Variants in ITSN2 observed in about 807,000 individuals in gnomAD.
The protein encoded by ITSN2 is intersectin-2.
Under a neutral mutation model 243.7 loss-of-function variants are expected in ITSN2, and 156 were observed. The ratio of observed to expected loss-of-function variants is 0.64; its 90% CI spans 0.56 to 0.73. The LOEUF (loss-of-function observed/expected upper bound fraction) is 0.73, where lower values mean the gene tolerates loss of function less well. Ranked by LOEUF, ITSN2 falls within the 30% of genes least tolerant of loss-of-function variation. The pLI is 0.00. For synonymous variants in ITSN2, 703 were observed against 699.9 expected, an observed-to-expected ratio of 1.00 and a Z score of -0.07; for missense variants, 1,801 against 1,996.1, an observed-to-expected ratio of 0.90 and a Z score of 1.86.
At chr2:24,331,308 G>A (rs1685756859) in intron 1 of ITSN2, among the ~76,000 whole-genome samples, 1 of 151,406 alleles carries the variant, frequency 6.6e-6, no homozygotes, top group Non-Finnish European at 1.5e-5. Flanking sequence ...CCTGACCTCA[G>A]GTGATCCACC....
intron 22 of ITSN2, among the ~76,000 whole-genome samples, chr2:24,258,413 G>T (rs1425755451): frequency 6.6e-6 from 1 of 152,140 alleles, no homozygotes; most frequent in Non-Finnish European, 1.5e-5. Flanking sequence ...AAAAAGGAAT[G>T]TTACTGTAAA....
chr2:24,212,320 TCCACAACTGGAGA>T (rs1669564249), intron 33 of ITSN2, among the ~76,000 whole-genome samples: 1 of 152,114 alleles, frequency 6.6e-6, no homozygotes, highest in Non-Finnish European at 1.5e-5. Context: ...CAAGATGGGC[TCCACAACTGGAGA>T]CCTAGAGGGG....
At chr2:24,312,520 TATATA>T in intron 4 of ITSN2, 145 bp from the exon 5 acceptor site, 1 of 484,030 alleles carries the variant, frequency 2.1e-6, no homozygotes, top group Non-Finnish European at 3.6e-6. Context: ...ACATGTAAAA[TATATA>T]ATAACAAAAA....
chr2:24,318,626 C>A (rs925370417), intron 2 of ITSN2, among the ~76,000 whole-genome samples: 3 of 152,156 alleles, frequency 2.0e-5, no homozygotes, highest in African/African-American at 7.2e-5. Flanking sequence ...ATGATCAGGG[C>A]TAAAGGGTGG....
rs563081546 is a variant in ITSN2, at chr2:24,251,616, TAC to T, written c.3120+727_3120+728del. On this transcript the variant is annotated intron_variant, in intron 25 of 39. Coordinates refer to ENST00000355123, the MANE Select transcript of ITSN2 (RefSeq NM_006277.3). ...GTGTATATATATGTGTATATATATA[TAC>T]ACACACACATATACATATACACATA... 4.0e-4 allele frequency among the ~76,000 whole-genome samples: 58 copies of T among 145,046 alleles called. 6 individuals carry two copies. The highest frequency in any genetic ancestry group is 6.5e-4 in the Non-Finnish European group (43 of 66,640).
rs78609930 is a variant in ITSN2, at chr2:24,206,214, C to T, written c.4679-917G>A. On this transcript the variant is annotated intron_variant, in intron 37 of 39. Transcript: ENST00000355123. The stretch of plus-strand genomic sequence containing the variant: ...CTTTTAAAGTACCATTAAAATAACA[C>T]TAAATTAGCAAAAGCTGTTTTAAAC... 3.1e-3 allele frequency: 1,243 copies of T among 398,000 alleles called. 9 individuals are homozygous for T. Among genetic ancestry groups the T allele is most frequent in the African/African-American group, 0.026 (1,178 of 45,800 alleles). 24.7% of individuals were successfully genotyped at this position (398,000 alleles called of 1,614,324 possible).
intron 37 of ITSN2, chr2:24,206,405 G>A (rs568339119): frequency 5.3e-5 from 14 of 266,466 alleles, no homozygotes; most frequent in African/African-American, 2.7e-4. Context: ...GGCCGGCGGG[G>A]AGGAAGGTGG....
At chr2:24,313,577 C>T (rs1683528790) in intron 3 of ITSN2, 54 bp from the exon 4 acceptor site, 1 of 1,271,978 alleles carries the variant, frequency 7.9e-7, no homozygotes, top group Non-Finnish European at 1.1e-6. Context: ...GAAATTATTC[C>T]AATGCTTCTG....
At chr2:24,303,502 A>G (rs1414933624) in intron 9 of ITSN2, among the ~76,000 whole-genome samples, 1 of 152,250 alleles carries the variant, frequency 6.6e-6, no homozygotes, top group Non-Finnish European at 1.5e-5. Context: ...ACAAGAGTCA[A>G]AAAGTTTTAA....
Position 24,295,714 on chromosome 2 carries a change from G to T in ITSN2, c.1585C>A (p.Gln529Lys), listed in dbSNP as rs758707433. 6.4e-7 allele frequency: 1 copy of T among 1,561,818 alleles called. No homozygotes were observed. The highest frequency in any genetic ancestry group is 2.5e-5 in the East Asian group (1 of 40,742). The change falls in exon 14 of 40, where the codon CAG (glutamine) becomes AAG (lysine). Residue 529 changes from glutamine (Q) to lysine (K), a missense_variant. By Grantham distance (53) the Gln-to-Lys change is moderately conservative. Coordinates refer to ENST00000355123, the MANE Select transcript of ITSN2 (RefSeq NM_006277.3). ...ATTTCCATAATTTCCAAGTCACACT[G>T]CTTATCCAGAACTTCCAGCTCAGTC... The part of the protein sequence containing the change: ...QKTELEVLDK[Q>K]CDLEIMEIKQ...
At chr2:24,299,817 A>G in intron 12 of ITSN2, 92 bp downstream of exon 12, 1 of 1,144,872 alleles carries the variant, frequency 8.7e-7, no homozygotes, top group Non-Finnish European at 1.2e-6. Flanking sequence ...GGCAAAACAA[A>G]AATTCAAAAA....
chr2:24,280,912 C>T (rs1005831332), intron 17 of ITSN2, among the ~76,000 whole-genome samples: 8 of 152,170 alleles, frequency 5.3e-5, no homozygotes, highest in African/African-American at 1.7e-4. Context: ...ATTATTACAC[C>T]CTGAGTCTTA....
intron 18 of ITSN2, among the ~76,000 whole-genome samples, chr2:24,272,694 C>CA (rs1677517395): frequency 6.6e-6 from 1 of 152,170 alleles, no homozygotes; most frequent in Non-Finnish European, 1.5e-5. Flanking sequence ...CCTTGGCCTC[C>CA]AAAGTGCTGA....
intron 1 of ITSN2, among the ~76,000 whole-genome samples, chr2:24,332,488 G>A (rs889733677): frequency 3.3e-5 from 5 of 152,042 alleles, no homozygotes; most frequent in Non-Finnish European, 7.3e-5. Flanking sequence ...TAAAGCTGAA[G>A]GTACTAGTAT....
rs1388234921 is a variant in ITSN2, at chr2:24,310,374, G to A, written c.563C>T (p.Pro188Leu). 3 of 1,612,750 alleles carry A rather than the reference G, an allele frequency of 1.9e-6. No individual in the cohort carries two copies. Among genetic ancestry groups the A allele is most frequent in the Non-Finnish European group, 1.7e-6 (2 of 1,179,426 alleles). The change falls in exon 7 of 40, where the codon CCT becomes CTT. Residue 188 changes from proline to leucine, a missense_variant. Transcript: ENST00000355123. The stretch of plus-strand genomic sequence containing the variant: ...CATCAGACTATAAGATGACCCATGA[G>A]GCAATGCTAAAAAAGAAAAAGAAGG... The part of the protein sequence containing the change: ...LPIPYSSSTL[P>L]HGSSYSLMMG...
chr2:24,299,855 A>T (rs1681495060), intron 12 of ITSN2, 54 bp downstream of exon 12: 1 of 1,401,324 alleles, frequency 7.1e-7, no homozygotes, highest in Non-Finnish European at 9.8e-7. Flanking sequence ...AATGAAATAT[A>T]GTCACTTATT....
chr2:24,204,458 G>C lies in ITSN2; in HGVS notation c.4763-40C>G. ...ACCACAGACACATGTGGTGCATGCA[G>C]GTAAAACGAAGCGACTGACAGTGCC... On this transcript the variant is annotated intron_variant, in intron 38 of 39. Transcript: ENST00000355123. This position sits in a 1 kb window ranked among gnomAD's most constrained non-coding sequence, Gnocchi z 5.1. 6.3e-7 allele frequency: 1 copy of C among 1,596,696 alleles called. No individual in the cohort carries two copies. The highest frequency in any genetic ancestry group is 8.6e-7 in the Non-Finnish European group (1 of 1,164,264).
intron 19 of ITSN2, 99 bp downstream of exon 19, chr2:24,271,667 T>C: frequency 7.2e-7 from 1 of 1,392,874 alleles, no homozygotes; most frequent in Non-Finnish European, 9.4e-7. Context: ...GACTCTACAA[T>C]TAGTATCTTT....
intron 1 of ITSN2, among the ~76,000 whole-genome samples, chr2:24,337,315 A>AATATATATATATATATACATAT (rs1686505402): frequency 1.2e-4 from 4 of 32,020 alleles, no homozygotes; most frequent in South Asian, 2.7e-3. Flanking sequence ...GTATACACAA[A>AATATATATATATATATACATAT]ATATATATAT....
Sources: allele counts gnomAD v4.1 joint callset (sites outside exome capture counted in the v4.1 genomes callset), GRCh38; gene constraint gnomAD v4.1.1; non-coding constraint Gnocchi (gnomAD v3.1); transcripts MANE v1.5; gene names NCBI Gene and HGNC (gene_info 2026-07-23, HGNC 2026-07-21).